Variants in TANC1 observed in about 807,000 individuals in gnomAD.
TANC1 encodes the protein protein TANC1.
Under a neutral mutation model 149.7 loss-of-function variants are expected in TANC1, and 77 were observed. The observed-to-expected ratio is 0.51, with a 90% CI of 0.43 to 0.62. The LOEUF (loss-of-function observed/expected upper bound fraction) is 0.62. Among genes scored for constraint, TANC1 ranks in the 20% least tolerant of loss-of-function variants. The pLI is 0.00. For missense variants in TANC1, 1,985 were observed against 2,321.8 expected (o/e 0.85, Z 2.98); for synonymous variants, 854 against 925.0 (o/e 0.92, Z 1.39).
intron 4 of TANC1, among the ~76,000 whole-genome samples, chr2:159,125,068 G>A (rs10185064): frequency 0.43 from 65,771 of 151,924 alleles, 14,664 homozygotes; most frequent in Admixed American, 0.53. Flanking sequence ...ATGGCACATT[G>A]TAATTACTAC....
chr2:159,105,988 T>C (rs1230589926), intron 4 of TANC1, among the ~76,000 whole-genome samples: 1 of 152,056 alleles, frequency 6.6e-6, no homozygotes, highest in African/African-American at 2.4e-5. Context: ...AAAAACTGTT[T>C]CTGGTTCGTT....
At chr2:159,028,615 C>T (rs1559148254) in intron 2 of TANC1, among the ~76,000 whole-genome samples, 1 of 152,162 alleles carries the variant, frequency 6.6e-6, no homozygotes, top group Non-Finnish European at 1.5e-5. Flanking sequence ...AACTTATAAA[C>T]ACAATGTTAT....
intron 4 of TANC1, among the ~76,000 whole-genome samples, chr2:159,111,066 A>G (rs983736106): frequency 1.3e-5 from 2 of 152,244 alleles, no homozygotes; most frequent in African/African-American, 4.8e-5. Flanking sequence ...TACCCTATAC[A>G]GGAAGCCAGC....
At chr2:159,120,230 G>A (rs974006476) in intron 4 of TANC1, among the ~76,000 whole-genome samples, 2 of 152,200 alleles carry the variant, frequency 1.3e-5, no homozygotes, top group Non-Finnish European at 2.9e-5. Flanking sequence ...AAGGATGACT[G>A]TGATAGCATG....
intron 4 of TANC1, among the ~76,000 whole-genome samples, chr2:159,127,525 A>C (rs894246263): frequency 6.6e-6 from 1 of 152,274 alleles, no homozygotes. Context: ...TTGTGGCACT[A>C]TTCACAATAG....
In TANC1 at chr2:159,104,451, G is replaced by A. The variant is rs1454313264; in HGVS notation, c.259+6617G>A. Among the ~76,000 whole-genome samples, 2 of 95,794 alleles carry A rather than the reference G, an allele frequency of 2.1e-5. 1 individual carries two copies. The highest frequency in any genetic ancestry group is 4.6e-4 in the East Asian group (2 of 4,344). The allele number at this position is 95,794 out of a possible 152,430, so 62.8% of individuals were successfully genotyped here. On this transcript the variant is annotated intron_variant, in intron 4 of 26. Coordinates refer to ENST00000263635, the MANE Select transcript of TANC1 (RefSeq NM_033394.3). ...TCTGGACATTGGGATTTTTAAAAAG[G>A]CTTCCTCGGTGATTCTAATATGTAA...
In TANC1 at chr2:159,040,114, G is replaced by T. The variant is rs181876392; in HGVS notation, c.-15-25782G>T. The stretch of plus-strand genomic sequence containing the variant: ...CCTTTACCATTATGTAATGGCCTTC[G>T]TTGTCTCTTTTGATCTCTGTTGGTT... On this transcript the variant is annotated intron_variant, in intron 2 of 26. Transcript: ENST00000263635. 4.4e-4 allele frequency among the ~76,000 whole-genome samples: 67 copies of T among 152,146 alleles called. 1 individual carries two copies. Among genetic ancestry groups the T allele is most frequent in the South Asian group, 2.1e-3 (10 of 4,810 alleles).
intron 5 of TANC1, among the ~76,000 whole-genome samples, chr2:159,143,844 A>C (rs2051740995): frequency 6.6e-6 from 1 of 152,170 alleles, no homozygotes; most frequent in Non-Finnish European, 1.5e-5. Flanking sequence ...TAAAATCAAA[A>C]GTACAGCTTT....
At chr2:159,216,985 A>T (rs116091207) in intron 19 of TANC1, among the ~76,000 whole-genome samples, 1 of 152,232 alleles carries the variant, frequency 6.6e-6, no homozygotes, top group Non-Finnish European at 1.5e-5. Flanking sequence ...TGAGAAAAAC[A>T]AAAACAAAAC....
intron 2 of TANC1, among the ~76,000 whole-genome samples, chr2:159,017,857 C>A (rs1438260437): frequency 4.0e-5 from 6 of 151,840 alleles, no homozygotes; most frequent in Non-Finnish European, 7.4e-5. Flanking sequence ...ACATGTATCC[C>A]AGAACTTAAA....
rs780370118 is a variant in TANC1, at chr2:159,228,909, G to C, written c.4151+13G>C. ...AGAGAAATAGCAGGTACCGTCTGTG[G>C]TTATCTTTGTGTCTAGAGCTTTTTT... On this transcript the variant is annotated intron_variant, in intron 26 of 26. Coordinates refer to ENST00000263635, the MANE Select transcript of TANC1 (RefSeq NM_033394.3). The C allele has an allele frequency of 1.2e-6, 2 of 1,603,962 alleles. No individual in the cohort carries two copies. Among genetic ancestry groups the C allele is most frequent in the Admixed American group, 3.3e-5 (2 of 59,890 alleles).
chr2:159,073,256 G>T (rs1461937332), intron 3 of TANC1, among the ~76,000 whole-genome samples: 1 of 152,174 alleles, frequency 6.6e-6, no homozygotes, highest in African/African-American at 2.4e-5. Context: ...AAATATAAAG[G>T]ATGAAAGAGT....
intron 2 of TANC1, among the ~76,000 whole-genome samples, chr2:159,053,443 T>C (rs1292780369): frequency 1.3e-5 from 2 of 152,374 alleles, no homozygotes; most frequent in African/African-American, 2.4e-5. Context: ...ATGTCATTGC[T>C]TTAGCTATGG....
In TANC1 at chr2:159,231,826, A is replaced by G. The variant is rs928739881; in HGVS notation, c.*814A>G. 6 of 152,182 alleles carry G rather than the reference A, an allele frequency of 3.9e-5. No individual in the cohort carries two copies. The highest frequency in any genetic ancestry group is 9.7e-5 in the African/African-American group (4 of 41,444). 9.4% of individuals were successfully genotyped at this position (152,182 alleles called of 1,614,324 possible). Reference sequence around the variant, plus strand: ...CCTGGTTTCCAAACTGCTTTTAACAATGGTAGTGCTCCTGGAACAATCCTT... The same window carrying G: ...CCTGGTTTCCAAACTGCTTTTAACAGTGGTAGTGCTCCTGGAACAATCCTT... On this transcript the variant is annotated 3_prime_UTR_variant, in exon 27 of 27. Coordinates refer to ENST00000263635, the MANE Select transcript of TANC1 (RefSeq NM_033394.3).
intron 4 of TANC1, among the ~76,000 whole-genome samples, chr2:159,108,535 T>C (rs1230899429): frequency 6.6e-6 from 1 of 152,184 alleles, no homozygotes; most frequent in Admixed American, 6.5e-5. Flanking sequence ...ATCTTTTTCA[T>C]CATTTCTGAT....
At chr2:158,989,438 C>T in intron 1 of TANC1, among the ~76,000 whole-genome samples, 1 of 151,348 alleles carries the variant, frequency 6.6e-6, no homozygotes. Context: ...GACCTCATCT[C>T]TACTAAAAGT....
At chr2:159,087,332 A>G (rs963070751) in intron 3 of TANC1, among the ~76,000 whole-genome samples, 1 of 151,968 alleles carries the variant, frequency 6.6e-6, no homozygotes, top group Non-Finnish European at 1.5e-5. Flanking sequence ...TGGGTTGTAC[A>G]TTTTCTGAGC....
rs776393126 is a variant in TANC1 at position 159,001,549 on chromosome 2, G to A, written c.-16+360G>A. ...TTTTATCACAATGAAAAATAAAAAC[G>A]TGGTGGAGGGAGGGAGTAATAATCA... On this transcript the variant is annotated intron_variant, in intron 2 of 26. Coordinates refer to ENST00000263635, the MANE Select transcript of TANC1 (RefSeq NM_033394.3). The surrounding 1 kb of genome is among the most constrained non-coding windows in gnomAD (Gnocchi z 4.3). 3.7e-4 allele frequency among the ~76,000 whole-genome samples: 56 copies of A among 152,176 alleles called. No homozygotes were observed. Among genetic ancestry groups the A allele is most frequent in the Non-Finnish European group, 6.5e-4 (44 of 68,012 alleles).
chr2:159,136,786 A>G (rs2050793548), intron 5 of TANC1, among the ~76,000 whole-genome samples: 1 of 65,402 alleles, frequency 1.5e-5, no homozygotes, highest in Admixed American at 2.1e-4. Context: ...TTGAAGTAGG[A>G]GCAAAAAAAA....
Sources: gnomAD v4.1 joint callset for allele counts (sites outside exome capture counted in the v4.1 genomes callset) on GRCh38, gnomAD v4.1.1 for gene constraint, Gnocchi (gnomAD v3.1) non-coding constraint, MANE v1.5 for transcripts, NCBI Gene and HGNC (gene_info 2026-07-23, HGNC 2026-07-21) for gene names.